CDH23: variants seen among roughly 807,000 people sequenced by gnomAD.
CDH23 encodes cadherin related 23, also known as cadherin-23.
Under a neutral mutation model 317.1 loss-of-function variants are expected in CDH23, and 189 were observed. The ratio of observed to expected loss-of-function variants is 0.60; its 90% confidence interval spans 0.53 to 0.67. The LOEUF is 0.67. Ranked by LOEUF, CDH23 falls within the 30% of genes least tolerant of loss-of-function variation. The pLI is 0.00. For synonymous variants in CDH23, 1,839 were observed against 1,876.8 expected (o/e 0.98, Z 0.52); for missense variants, 4,401 against 4,592.4 (o/e 0.96, Z 1.20).
chr10:71,812,450 C>G, intron 66 of CDH23, 30 bp from the exon 67 acceptor site: 1 of 1,601,070 alleles, frequency 6.2e-7, no homozygotes, highest in Non-Finnish European at 8.5e-7. Flanking sequence ...CCTTCCCTCC[C>G]TCCCCACCCT....
chr10:71,637,779 C>T (rs1862345406), intron 11 of CDH23, among the ~76,000 whole-genome samples: 1 of 152,158 alleles, frequency 6.6e-6, no homozygotes, highest in Admixed American at 6.5e-5. Context: ...GCCCACCAAC[C>T]AGAACTCCCT....
rs765116770 is a variant in CDH23 at position 71,798,576 on chromosome 10, C to T, written c.7052C>T (p.Ala2351Val). 5 of 1,605,856 alleles carry T rather than the reference C, an allele frequency of 3.1e-6. No individual in the cohort carries two copies. Among genetic ancestry groups the T allele is most frequent in the Non-Finnish European group, 4.3e-6 (5 of 1,175,560 alleles). ...TATGTCCAGCTGGAGGACTCCTCGG[C>T]AGGTAGGTTAGAAATCTGTCAGAGG... ...PGYVQLEDSS[A>V]GKVIANRTVD... The change falls in exon 50 of 70, where the codon GCA becomes GTA. Residue 2351 changes from alanine (A) to valine (V), a missense_variant and splice_region_variant. By Grantham distance (64) the Ala-to-Val change is moderately conservative (BLOSUM62 0). This residue lies in a region of CDH23 where 189 missense variants were observed against 250.9 expected (regional missense o/e 0.75). Coordinates refer to ENST00000224721, the MANE Select transcript of CDH23 (RefSeq NM_022124.6).
intron 9 of CDH23, among the ~76,000 whole-genome samples, chr10:71,585,733 T>C (rs1479322059): frequency 1.3e-5 from 2 of 152,192 alleles, no homozygotes; most frequent in African/African-American, 4.8e-5. Context: ...AGGGTGTGCT[T>C]CCTGCCAGCC....
Position 71,511,165 on chromosome 10 carries a change from A to G in CDH23, c.382A>G (p.Asn128Asp). The G allele has an allele frequency of 6.2e-7, 1 of 1,613,600 alleles. No homozygotes were observed. The highest frequency in any genetic ancestry group is 2.2e-5 in the East Asian group (1 of 44,856). ...CATCCAGGTTGGGGATGTGAATGAC[A>G]ACGCGCCCACATTTCACAATCAGCC... is the stretch of plus-strand genomic sequence containing the variant. ...VNIQVGDVNDNAPTFHNQPYS... is the reference protein window; with the variant it reads ...VNIQVGDVNDDAPTFHNQPYS... Residue 128 changes from asparagine (N) to aspartate (D), a missense_variant, in exon 6 of 70, where the codon AAC becomes GAC. Asn to Asp is a conservative substitution (Grantham distance 23, BLOSUM62 1). Transcript: ENST00000224721.
At chr10:71,508,661 G>A (rs989512408) in intron 3 of CDH23, among the ~76,000 whole-genome samples, 5 of 152,162 alleles carry the variant, frequency 3.3e-5, no homozygotes, top group Non-Finnish European at 5.9e-5. Context: ...GTAAATGTGA[G>A]AGTCAGTATT....
chr10:71,784,530 T>C (rs1589419676), intron 42 of CDH23, 110 bp downstream of exon 42: 1 of 1,443,904 alleles, frequency 6.9e-7, no homozygotes, highest in Non-Finnish European at 9.3e-7. Context: ...CAGGCTGCCC[T>C]GGAGCCAGGC....
intron 6 of CDH23, among the ~76,000 whole-genome samples, chr10:71,541,915 A>G (rs1856009537): frequency 6.6e-6 from 1 of 152,168 alleles, no homozygotes; most frequent in African/African-American, 2.4e-5. Flanking sequence ...ATTTTTTGCT[A>G]AGCACTTAAA....
At chr10:71,487,382 T>C (rs1852407487) in intron 3 of CDH23, among the ~76,000 whole-genome samples, 1 of 152,078 alleles carries the variant, frequency 6.6e-6, no homozygotes, top group South Asian at 2.1e-4. Context: ...GCCCAAGCCG[T>C]TCAGACCCGT....
At chr10:71,614,874 C>T (rs1450026045) in intron 9 of CDH23, among the ~76,000 whole-genome samples, 3 of 152,172 alleles carry the variant, frequency 2.0e-5, no homozygotes, top group Non-Finnish European at 4.4e-5. Context: ...ACAGAGACAT[C>T]GGTTTGAGGC....
chr10:71,397,115 G>A lies in CDH23; in HGVS notation c.-209G>A. Reference sequence around the variant, plus strand: ...CGCGCCCAGTCCGAGCCCCCGGCGCGCCTGAAGTTGCGAGCGGCGAGCGGC... The same window carrying A: ...CGCGCCCAGTCCGAGCCCCCGGCGCACCTGAAGTTGCGAGCGGCGAGCGGC... On this transcript the variant is annotated 5_prime_UTR_variant, in exon 1 of 70. Transcript: ENST00000224721. This position sits in a 1 kb window ranked among gnomAD's most constrained non-coding sequence, Gnocchi z 4.8. The A allele has an allele frequency of 1.1e-5, 2 of 177,104 alleles. No individual in the cohort carries two copies. Among genetic ancestry groups the A allele is most frequent in the Non-Finnish European group, 1.2e-5 (1 of 84,776 alleles). 11.0% of individuals were successfully genotyped at this position (177,104 alleles called of 1,614,324 possible). A position where few individuals can be genotyped will look rare whatever the true frequency, so the allele number is the denominator to read the frequency against.
chr10:71,722,789 G>A (rs1866618741), intron 28 of CDH23, among the ~76,000 whole-genome samples: 1 of 152,160 alleles, frequency 6.6e-6, no homozygotes, highest in African/African-American at 2.4e-5. Flanking sequence ...AAACAGCCAG[G>A]GCAGAAGCCA....
chr10:71,570,694 G>A, intron 7 of CDH23, 96 bp from the exon 8 acceptor site: 2 of 1,420,826 alleles, frequency 1.4e-6, no homozygotes, highest in Non-Finnish European at 1.9e-6. Flanking sequence ...GCACTTATGT[G>A]CTGCACGGTG....
At chr10:71,725,284 G>A (rs1010459312) in intron 29 of CDH23, 88 bp from the exon 30 acceptor site, 9 of 1,591,330 alleles carry the variant, frequency 5.7e-6, no homozygotes, top group Non-Finnish European at 7.8e-6. Context: ...GGGGACTGGT[G>A]AACTTCTGCC....
chr10:71,762,097 A>G (rs1371297089), intron 38 of CDH23: 2 of 1,480,686 alleles, frequency 1.4e-6, no homozygotes, highest in African/African-American at 2.8e-5. Flanking sequence ...AGAGCGGGGA[A>G]GAACCTTAGC....
chr10:71,545,258 G>A (rs995508921), intron 6 of CDH23, among the ~76,000 whole-genome samples: 1 of 152,264 alleles, frequency 6.6e-6, no homozygotes, highest in African/African-American at 2.4e-5. Context: ...CCCAGGCCAC[G>A]GCAGGGGAGG....
At chr10:71,450,591 C>T (rs1850390588) in intron 3 of CDH23, among the ~76,000 whole-genome samples, 1 of 152,212 alleles carries the variant, frequency 6.6e-6, no homozygotes, top group African/African-American at 2.4e-5. Flanking sequence ...AAATGCCCCA[C>T]CAGCCTTGCT....
chr10:71,477,897 T>A (rs770656096), intron 3 of CDH23, among the ~76,000 whole-genome samples: 1 of 152,200 alleles, frequency 6.6e-6, no homozygotes, highest in Non-Finnish European at 1.5e-5. Flanking sequence ...CCAGCACTGA[T>A]GCCACATTTC....
chr10:71,560,782 G>A (rs1857091450), intron 6 of CDH23, among the ~76,000 whole-genome samples: 2 of 152,048 alleles, frequency 1.3e-5, no homozygotes, highest in Non-Finnish European at 1.5e-5. Context: ...CTGATCCACC[G>A]AGAAGCCTGC....
chr10:71,515,019 C>T (rs1232462197), intron 6 of CDH23, among the ~76,000 whole-genome samples: 1 of 152,234 alleles, frequency 6.6e-6, no homozygotes, highest in Non-Finnish European at 1.5e-5. Context: ...CCTCCCTGCT[C>T]CTCCCAGGGC....
Sources: gnomAD v4.1 joint callset for allele counts (sites outside exome capture counted in the v4.1 genomes callset) on GRCh38, gnomAD v4.1.1 for gene constraint, gnomAD v4.1.1 regional missense constraint, Gnocchi (gnomAD v3.1) non-coding constraint, MANE v1.5 for transcripts, NCBI Gene and HGNC (gene_info 2026-07-23, HGNC 2026-07-21) for gene names.